The following DNAH7 variants were observed in gnomAD, a reference collection of about 807,000 sequenced individuals.
DNAH7 encodes the protein dynein axonemal heavy chain 7.
Under a neutral mutation model 444.6 loss-of-function variants are expected in DNAH7, and 397 were observed. The observed-to-expected ratio is 0.89, with a 90% CI of 0.82 to 0.97. The LOEUF (loss-of-function observed/expected upper bound fraction) is 0.97, where lower values mean the gene tolerates loss of function less well. Among genes scored for constraint, DNAH7 ranks in the 50% least tolerant of loss-of-function variants. DNAH7 has a pLI of 0.00. For synonymous variants in DNAH7, 1,636 were observed against 1,624.4 expected (o/e 1.01, Z -0.17); for missense variants, 4,902 against 4,800.8 (o/e 1.02, Z -0.62).
At position 195,889,023 on chromosome 2, in the gene DNAH7, T is replaced by C. The variant is rs372620512; in HGVS notation, c.5047-42A>G. ...TGAACAGAGGGCAAAAACGTAATGA[T>C]GATAATATAAAGAAACAGTTCAATA... On this transcript the variant is annotated intron_variant, in intron 31 of 64. Transcript: ENST00000312428. 30 of 1,523,842 alleles carry C rather than the reference T, an allele frequency of 2.0e-5. No homozygotes were observed. The African/African-American group carries it at 4.0e-4, about 21-fold the overall frequency. The allele number at this position is 1,523,842 out of a possible 1,614,324, so 94.4% of individuals were successfully genotyped here.
chr2:196,063,054 G>C (rs1210325893), intron 1 of DNAH7, among the ~76,000 whole-genome samples: 1 of 152,050 alleles, frequency 6.6e-6, no homozygotes, highest in Non-Finnish European at 1.5e-5. Context: ...GCTAATTTTT[G>C]TATTTTGAGT....
At chr2:195,856,873 T>C (rs899651769) in intron 44 of DNAH7, among the ~76,000 whole-genome samples, 4 of 152,070 alleles carry the variant, frequency 2.6e-5, no homozygotes, top group Admixed American at 2.0e-4. Flanking sequence ...TGCAACAGAA[T>C]GAATGAAGAA....
At chr2:195,808,911 C>T (rs1346722130) in intron 52 of DNAH7, 35 bp from the exon 53 acceptor site, 28 of 1,580,774 alleles carry the variant, frequency 1.8e-5, no homozygotes, top group Middle Eastern at 1.7e-4. Context: ...GAGTCAGAAA[C>T]GAGTTCATCA....
chr2:195,770,549 C>G (rs1694786361), intron 61 of DNAH7, among the ~76,000 whole-genome samples: 1 of 152,034 alleles, frequency 6.6e-6, no homozygotes, highest in South Asian at 2.1e-4. Context: ...CTGAAATACT[C>G]TTCCCTGAAA....
intron 17 of DNAH7, among the ~76,000 whole-genome samples, chr2:195,965,441 G>A (rs1691409569): frequency 6.6e-6 from 1 of 152,032 alleles, no homozygotes; most frequent in Non-Finnish European, 1.5e-5. Flanking sequence ...TTTTTGATGT[G>A]TCTTTGTCTA....
chr2:195,888,355 AAC>A lies in DNAH7; in HGVS notation c.5307_5308del (p.Leu1770ThrfsTer17). The A allele has an allele frequency of 6.2e-7, 1 of 1,610,338 alleles. No individual in the cohort carries two copies. Among genetic ancestry groups the A allele is most frequent in the Non-Finnish European group, 8.5e-7 (1 of 1,178,832 alleles). On this transcript the variant is annotated frameshift_variant, in exon 33 of 65. Transcript: ENST00000312428. LOFTEE classifies it high-confidence loss of function. Reference sequence around the variant, plus strand: ...TTGAATAACACTGACTGACGCAGGTAACAGATTCACCCAGGACAACATCAGTG... The same window carrying A: ...TTGAATAACACTGACTGACGCAGGTAAGATTCACCCAGGACAACATCAGTG...
chr2:195,816,996 A>T, intron 50 of DNAH7, 33 bp from the exon 51 acceptor site: 1 of 1,482,866 alleles, frequency 6.7e-7, no homozygotes, highest in Non-Finnish European at 9.1e-7. Context: ...TAGAAGAAAA[A>T]GAAGTCATTT....
chr2:195,967,683 G>A (rs549887884), intron 17 of DNAH7, among the ~76,000 whole-genome samples: 2 of 152,306 alleles, frequency 1.3e-5, no homozygotes, highest in African/African-American at 2.4e-5. Flanking sequence ...GTCCTGGCCT[G>A]TAAGGTTCCC....
At chr2:195,911,697 G>A (rs1042714087) in intron 24 of DNAH7, among the ~76,000 whole-genome samples, 2 of 152,072 alleles carry the variant, frequency 1.3e-5, no homozygotes, top group Admixed American at 1.3e-4. Flanking sequence ...AGTTTTAAGG[G>A]CTGAGGGAAA....
chr2:195,817,673 G>A lies in DNAH7; in HGVS notation c.9425+23C>T, dbSNP rs1205928231. On this transcript the variant is annotated intron_variant, in intron 50 of 64. Transcript: ENST00000312428. ...AGTGATCTAGAAACAAATAAGAATA[G>A]TTCTGTTTATGACATTTAAAACCTT... 5 of 1,582,216 alleles carry A rather than the reference G, an allele frequency of 3.2e-6. No homozygotes were observed. The East Asian group carries it at 1.1e-4, about 35-fold the overall frequency.
At chr2:195,905,267 T>C (rs1686942908) in intron 27 of DNAH7, 1 of 152,086 alleles carries the variant, frequency 6.6e-6, no homozygotes, top group Non-Finnish European at 1.5e-5. Context: ...AGCGAACAAA[T>C]ACAAGAACTG....
intron 19 of DNAH7, among the ~76,000 whole-genome samples, chr2:195,954,416 C>A (rs1270979646): frequency 6.6e-6 from 1 of 152,152 alleles, no homozygotes; most frequent in Admixed American, 6.5e-5. Flanking sequence ...TTTTCTTTAC[C>A]CAGTCTATCA....
chr2:195,789,423 C>T (rs900081797), intron 57 of DNAH7, among the ~76,000 whole-genome samples: 2 of 151,948 alleles, frequency 1.3e-5, no homozygotes, highest in Non-Finnish European at 2.9e-5. Context: ...AGGGAGCACT[C>T]GGGTAGGAAA....
chr2:196,048,124 CTG>C (rs1316809696), intron 4 of DNAH7, among the ~76,000 whole-genome samples, 170 bp downstream of exon 4: 3 of 152,294 alleles, frequency 2.0e-5, no homozygotes, highest in African/African-American at 7.2e-5. Context: ...CCTAAAATAA[CTG>C]AGAACTACAA....
rs1491504202 is a variant in DNAH7, at chr2:195,778,642, A to AT, written c.10879-658_10879-657insA. 4.0e-3 allele frequency among the ~76,000 whole-genome samples: 164 copies of AT among 41,076 alleles called. 21 individuals carry two copies. The highest frequency in any genetic ancestry group is 6.2e-3 in the African/African-American group (68 of 11,000). The allele number at this position is 41,076 out of a possible 152,430, so 26.9% of individuals were successfully genotyped here. Reference sequence around the variant, plus strand: ...TGAAAAAAAAAAAAAATAAATAAATAAATATATATATATATATATATATAT... The same window carrying AT: ...TGAAAAAAAAAAAAAATAAATAAATATAATATATATATATATATATATATAT... On this transcript the variant is annotated intron_variant, in intron 58 of 64. Coordinates refer to ENST00000312428, the MANE Select transcript of DNAH7 (RefSeq NM_018897.3).
At chr2:196,065,645 C>A (rs1386058575) in intron 1 of DNAH7, among the ~76,000 whole-genome samples, 1 of 152,178 alleles carries the variant, frequency 6.6e-6, no homozygotes, top group Non-Finnish European at 1.5e-5. Flanking sequence ...ATATTTGTTT[C>A]CTAGTCTTCC....
chr2:196,001,658 A>G lies in DNAH7; in HGVS notation c.1173+17T>C. On this transcript the variant is annotated intron_variant, in intron 11 of 64. Transcript: ENST00000312428. ...ATAAATTTGTAAATACATATTGGTGAACTGAACCATACTTACTGGGGGTTG... is the reference window on the plus strand; with the variant it reads ...ATAAATTTGTAAATACATATTGGTGGACTGAACCATACTTACTGGGGGTTG... The G allele has an allele frequency of 2.7e-6, 4 of 1,504,576 alleles. No individual in the cohort carries two copies. Among genetic ancestry groups the G allele is most frequent in the Non-Finnish European group, 3.6e-6 (4 of 1,125,186 alleles). 93.2% of individuals were successfully genotyped at this position (1,504,576 alleles called of 1,614,324 possible). A position where few individuals can be genotyped will look rare whatever the true frequency, so the allele number is the denominator to read the frequency against.
intron 17 of DNAH7, 105 bp from the exon 18 acceptor site, chr2:195,961,050 C>A: frequency 1.1e-6 from 1 of 924,106 alleles, no homozygotes; most frequent in East Asian, 2.9e-5. Context: ...AAAAACCTTA[C>A]TAAGCCCTGA....
At chr2:196,018,979 A>T (rs1021622522) in intron 9 of DNAH7, among the ~76,000 whole-genome samples, 191 bp downstream of exon 9, 5 of 152,116 alleles carry the variant, frequency 3.3e-5, no homozygotes, top group Admixed American at 2.6e-4. Flanking sequence ...AAAATTTAAA[A>T]TTTTAGAAAA....
Sources: gnomAD v4.1 joint callset for allele counts (sites outside exome capture counted in the v4.1 genomes callset) on GRCh38, gnomAD v4.1.1 for gene constraint, MANE v1.5 for transcripts, NCBI Gene and HGNC (gene_info 2026-07-23, HGNC 2026-07-21) for gene names.